The following GRID2 variants were observed in gnomAD, a reference collection of about 807,000 sequenced individuals.
The protein encoded by GRID2 is glutamate receptor ionotropic, delta-2.
GRID2 carries 33 observed loss-of-function variants against 114.8 expected under a neutral mutation model. The observed-to-expected ratio is 0.29, with a 90% confidence interval of 0.22 to 0.38. The LOEUF is 0.38. GRID2 is among the 10% of genes least tolerant of loss of function. GRID2 has a pLI of 1.00. For missense variants in GRID2, 1,184 were observed against 1,257.7 expected (o/e 0.94, Z 0.89); for synonymous variants, 505 against 449.9 (o/e 1.12, Z -1.55).
chr4:93,078,667 G>GTATATTTAGTAAATATACTAAATATAAT (rs1729561141), intron 2 of GRID2, among the ~76,000 whole-genome samples: 2 of 145,568 alleles, frequency 1.4e-5, no homozygotes, highest in Admixed American at 6.9e-5. Flanking sequence ...GTAAATATCT[G>GTATATTTAGTAAATATACTAAATATAAT]TATATTTAGT....
intron 11 of GRID2, among the ~76,000 whole-genome samples, chr4:93,489,449 T>A (rs1304841383): frequency 1.3e-5 from 2 of 151,976 alleles, no homozygotes; most frequent in Non-Finnish European, 2.9e-5. Flanking sequence ...GAGATTTTTA[T>A]TTTATTTTTT....
intron 4 of GRID2, among the ~76,000 whole-genome samples, chr4:93,152,135 A>G (rs1286351689): frequency 6.6e-6 from 1 of 152,156 alleles, no homozygotes; most frequent in Non-Finnish European, 1.5e-5. Flanking sequence ...GTTTCAGCTT[A>G]CAGAGTTAGA....
intron 10 of GRID2, among the ~76,000 whole-genome samples, chr4:93,439,654 C>A (rs1350059464): frequency 2.0e-5 from 3 of 151,998 alleles, no homozygotes; most frequent in Admixed American, 2.0e-4. Flanking sequence ...TATTTAAGGT[C>A]CTAAATTGTT....
chr4:92,344,652 A>C (rs1193320937), intron 1 of GRID2, among the ~76,000 whole-genome samples: 1 of 152,136 alleles, frequency 6.6e-6, no homozygotes, highest in Non-Finnish European at 1.5e-5. Context: ...TTGGTGGTGA[A>C]TGCTCAGATC....
chr4:92,833,762 T>C (rs1261773298), intron 2 of GRID2: 1 of 152,218 alleles, frequency 6.6e-6, no homozygotes, highest in East Asian at 1.9e-4. Context: ...TTAAAAAGAA[T>C]AGTTTTAGGC....
At chr4:93,104,503 TG>T (rs1472037794) in intron 3 of GRID2, among the ~76,000 whole-genome samples, 4 of 150,208 alleles carry the variant, frequency 2.7e-5, no homozygotes, top group African/African-American at 9.8e-5. Context: ...TTTCCCTTCC[TG>T]TGTCCATGTG....
Position 93,447,447 on chromosome 4 carries a change from A to G in GRID2, c.1546-8215A>G, listed in dbSNP as rs555982191. 3.9e-5 allele frequency among the ~76,000 whole-genome samples: 6 copies of G among 152,094 alleles called. 1 individual carries two copies. In the South Asian group the frequency reaches 1.0e-3, roughly 26 times the overall value. On this transcript the variant is annotated intron_variant, in intron 10 of 15. Coordinates refer to ENST00000282020, the MANE Select transcript of GRID2 (RefSeq NM_001510.4). ...CCTTGGGCATGTCTGGTTTTGGAAA[A>G]TGAAATGCATAAATAAAAGTATCAA...
intron 13 of GRID2, among the ~76,000 whole-genome samples, chr4:93,525,753 A>G (rs1730824606): frequency 6.6e-6 from 1 of 152,112 alleles, no homozygotes. Flanking sequence ...TAACACAGAG[A>G]CCCTAACATC....
At chr4:93,514,703 G>A (rs1380101378) in intron 12 of GRID2, among the ~76,000 whole-genome samples, 1 of 152,070 alleles carries the variant, frequency 6.6e-6, no homozygotes, top group Admixed American at 6.6e-5. Flanking sequence ...ATTGTCTGAC[G>A]TGTGTATTCA....
chr4:93,242,663 A>C (rs1747679731), intron 8 of GRID2, among the ~76,000 whole-genome samples: 1 of 152,024 alleles, frequency 6.6e-6, no homozygotes, highest in Admixed American at 6.6e-5. Context: ...CTTGTATATT[A>C]GTATGGATTA....
At chr4:92,594,918 A>G (rs188342772) in intron 2 of GRID2, among the ~76,000 whole-genome samples, 184 of 152,088 alleles carry the variant, frequency 1.2e-3, no homozygotes, top group African/African-American at 4.3e-3. Flanking sequence ...TGAAAGGTGG[A>G]AATTTATAAG....
intron 2 of GRID2, among the ~76,000 whole-genome samples, chr4:92,749,167 C>A (rs528777763): frequency 1.3e-5 from 2 of 151,506 alleles, no homozygotes; most frequent in Non-Finnish European, 1.5e-5. Context: ...TCAGGCCTAG[C>A]TGATTTTTGT....
chr4:92,543,352 A>T (rs1293183406), intron 1 of GRID2, among the ~76,000 whole-genome samples: 2 of 152,178 alleles, frequency 1.3e-5, no homozygotes, highest in Admixed American at 1.3e-4. Flanking sequence ...TATTTTCACT[A>T]TAGCACATAA....
At chr4:93,731,888 T>A (rs1560954454) in intron 14 of GRID2, among the ~76,000 whole-genome samples, 1 of 152,176 alleles carries the variant, frequency 6.6e-6, no homozygotes, top group African/African-American at 2.4e-5. Context: ...TAAGCCAAGT[T>A]TTGCTTCTGT....
chr4:92,480,803 A>G (rs1001704429), intron 1 of GRID2, among the ~76,000 whole-genome samples: 1 of 151,952 alleles, frequency 6.6e-6, no homozygotes, highest in South Asian at 2.1e-4. Context: ...CCATCCCTCA[A>G]CCTACTTCAG....
rs1023727929 is a variant in GRID2 at position 93,382,393 on chromosome 4, G to T, written c.1246-13214G>T. Among the ~76,000 whole-genome samples the T allele has an allele frequency of 2.2e-4, 33 of 151,892 alleles. 1 individual carries two copies. The highest frequency in any genetic ancestry group is 8.0e-4 in the African/African-American group (33 of 41,406). ...TTGTCCACTTGATGGTGTACCAATGGTTCCTTATTCTCTGTTCACTTTTCT... is the reference window on the plus strand; with the variant it reads ...TTGTCCACTTGATGGTGTACCAATGTTTCCTTATTCTCTGTTCACTTTTCT... On this transcript the variant is annotated intron_variant, in intron 8 of 15. Transcript: ENST00000282020.
At chr4:93,658,160 G>T (rs1201971400) in intron 14 of GRID2, among the ~76,000 whole-genome samples, 1 of 152,128 alleles carries the variant, frequency 6.6e-6, no homozygotes, top group East Asian at 1.9e-4. Flanking sequence ...ATCAATCTTA[G>T]AGCATAAAAT....
intron 1 of GRID2, among the ~76,000 whole-genome samples, chr4:92,315,993 C>CAAAAAAAAAAA (rs778361565): frequency 1.8e-4 from 11 of 61,912 alleles, no homozygotes; most frequent in African/African-American, 4.3e-4. Flanking sequence ...AAACAAAAAG[C>CAAAAAAAAAAA]AAAAAAAAAA....
intron 4 of GRID2, among the ~76,000 whole-genome samples, chr4:93,201,831 GC>G (rs1274669651): frequency 1.3e-5 from 2 of 152,156 alleles, no homozygotes; most frequent in Non-Finnish European, 2.9e-5. Flanking sequence ...AAATTGTCGA[GC>G]TTTTCCAAAG....
Sources: gnomAD v4.1 joint callset for allele counts (sites outside exome capture counted in the v4.1 genomes callset) on GRCh38, gnomAD v4.1.1 for gene constraint, MANE v1.5 for transcripts, NCBI Gene and HGNC (gene_info 2026-07-23, HGNC 2026-07-21) for gene names.